FNDC3A: variants seen among roughly 807,000 people sequenced by gnomAD.
FNDC3A encodes the protein fibronectin type III domain containing 3A, also known as fibronectin type-III domain-containing protein 3A.
In FNDC3A, 32 loss-of-function variants were observed where a neutral mutation model predicts 148.9. The observed-to-expected ratio is 0.21, with a 90% CI of 0.16 to 0.29. The LOEUF (loss-of-function observed/expected upper bound fraction) is 0.29, where lower values mean the gene tolerates loss of function less well. Ranked by LOEUF, FNDC3A falls within the 10% of genes least tolerant of loss-of-function variation. The pLI is 1.00. For synonymous variants in FNDC3A, 472 were observed against 473.6 expected, an observed-to-expected ratio of 1.00 and a Z score of 0.04; for missense variants, 1,191 against 1,452.8, an observed-to-expected ratio of 0.82 and a Z score of 2.93.
At chr13:49,032,922 AAT>A (rs1470926150) in intron 2 of FNDC3A, among the ~76,000 whole-genome samples, 16 of 152,278 alleles carry the variant, frequency 1.1e-4, no homozygotes, top group African/African-American at 1.9e-4. Flanking sequence ...TTGCATTTTA[AAT>A]ATATGTTTAT....
intron 2 of FNDC3A, among the ~76,000 whole-genome samples, chr13:49,047,897 A>G (rs1875538755): frequency 1.3e-5 from 2 of 151,880 alleles, no homozygotes; most frequent in Non-Finnish European, 1.5e-5. Context: ...TTTTTTTCTC[A>G]GTGTTATCTG....
intron 3 of FNDC3A, among the ~76,000 whole-genome samples, chr13:49,085,575 A>G (rs1165856990): frequency 6.6e-6 from 1 of 152,152 alleles, no homozygotes; most frequent in African/African-American, 2.4e-5. Context: ...AGTTGTGTCT[A>G]TTGTGTTGTA....
chr13:49,114,611 A>G, intron 3 of FNDC3A, 44 bp from the exon 4 acceptor site: 1 of 1,310,092 alleles, frequency 7.6e-7, no homozygotes, highest in South Asian at 1.2e-5. Flanking sequence ...CTTTAGCCTG[A>G]TAAGCAATCA....
At chr13:49,161,312 A>C (rs532700409) in intron 8 of FNDC3A, among the ~76,000 whole-genome samples, 6 of 152,182 alleles carry the variant, frequency 3.9e-5, no homozygotes, top group African/African-American at 1.4e-4. Flanking sequence ...ATATATATTT[A>C]GGATAGTTAG....
At chr13:49,152,341 T>G (rs1189100891) in intron 8 of FNDC3A, among the ~76,000 whole-genome samples, 1 of 152,192 alleles carries the variant, frequency 6.6e-6, no homozygotes. Context: ...TGATGAGCAT[T>G]TTTTCATGTG....
At chr13:49,039,070 T>C (rs1874722627) in intron 2 of FNDC3A, among the ~76,000 whole-genome samples, 1 of 152,160 alleles carries the variant, frequency 6.6e-6, no homozygotes, top group South Asian at 2.1e-4. Context: ...TTGGTGGTGC[T>C]GCGGGTCAGA....
intron 8 of FNDC3A, among the ~76,000 whole-genome samples, chr13:49,162,119 T>G (rs1394839213): frequency 6.6e-6 from 1 of 152,152 alleles, no homozygotes; most frequent in Non-Finnish European, 1.5e-5. Flanking sequence ...GTCTTTGTGG[T>G]GGTCTCTGTA....
chr13:49,164,758 G>A (rs1465686321), intron 8 of FNDC3A, among the ~76,000 whole-genome samples: 1 of 151,944 alleles, frequency 6.6e-6, no homozygotes, highest in East Asian at 1.9e-4. Flanking sequence ...ACAGGTGCCC[G>A]CCACCACCGG....
intron 8 of FNDC3A, among the ~76,000 whole-genome samples, chr13:49,162,735 A>G (rs1280521308): frequency 1.3e-5 from 2 of 152,138 alleles, no homozygotes; most frequent in African/African-American, 4.8e-5. Flanking sequence ...GTTTCTCCCC[A>G]TCTTTGTGGT....
intron 6 of FNDC3A, among the ~76,000 whole-genome samples, chr13:49,137,860 C>T (rs982234815): frequency 1.3e-5 from 2 of 152,064 alleles, no homozygotes; most frequent in Non-Finnish European, 2.9e-5. Context: ...ATCTGTTTGA[C>T]GTAGATATGC....
At chr13:49,050,444 A>G (rs1875751777) in intron 2 of FNDC3A, among the ~76,000 whole-genome samples, 1 of 152,118 alleles carries the variant, frequency 6.6e-6, no homozygotes, top group African/African-American at 2.4e-5. Flanking sequence ...ATGTATTTGC[A>G]TGCTTTTGAG....
At chr13:49,172,869 G>C (rs933126208) in intron 11 of FNDC3A, among the ~76,000 whole-genome samples, 3 of 152,110 alleles carry the variant, frequency 2.0e-5, no homozygotes, top group Non-Finnish European at 4.4e-5. Flanking sequence ...TTTAGTACAG[G>C]GGTGTCCAGT....
chr13:49,167,135 TAAAG>T (rs1405770374), intron 8 of FNDC3A, 105 bp from the exon 9 acceptor site: 4 of 594,980 alleles, frequency 6.7e-6, no homozygotes, highest in African/African-American at 1.9e-5. Flanking sequence ...TTACAGTTGG[TAAAG>T]AAAGAAGTAG....
intron 2 of FNDC3A, among the ~76,000 whole-genome samples, chr13:49,019,507 C>A (rs1362495922): frequency 1.3e-5 from 2 of 152,210 alleles, no homozygotes; most frequent in Non-Finnish European, 2.9e-5. Context: ...CTGTCTGGCA[C>A]TCCCTAGTGA....
intron 2 of FNDC3A, among the ~76,000 whole-genome samples, chr13:49,026,057 T>C (rs779675106): frequency 2.6e-5 from 4 of 152,192 alleles, no homozygotes; most frequent in Non-Finnish European, 4.4e-5. Flanking sequence ...TTTGAGAGGA[T>C]TTATGTAATG....
At chr13:49,175,333 T>C in intron 12 of FNDC3A, 34 bp from the exon 13 acceptor site, 1 of 1,480,114 alleles carries the variant, frequency 6.8e-7, no homozygotes, top group Non-Finnish European at 9.0e-7. Flanking sequence ...AAAAATAACT[T>C]TTTCATGCCT....
rs193058377 is a variant in FNDC3A, at chr13:48,993,218, T to A, written c.-39-12934T>A. ...TGTTATCAACTTTACATCCTTATTA[T>A]CAGTTAGTACTTAATGTAAAAACTT... On this transcript the variant is annotated intron_variant, in intron 1 of 25. Coordinates refer to ENST00000492622, the MANE Select transcript of FNDC3A (RefSeq NM_001079673.2). 2.6e-3 allele frequency among the ~76,000 whole-genome samples: 396 copies of A among 152,326 alleles called. 2 individuals carry two copies. The highest frequency in any genetic ancestry group is 7.0e-3 in the South Asian group (34 of 4,830).
Position 49,094,789 on chromosome 13 carries a change from A to G in FNDC3A, c.175+19425A>G, listed in dbSNP as rs550551815. On this transcript the variant is annotated intron_variant, in intron 3 of 25. Transcript: ENST00000492622. ...AGAAAATACTTCCAAGAGGACACTT[A>G]CAGGGTGAGCCTACTCTATTCTTTT... Among the ~76,000 whole-genome samples, 92 of 152,244 alleles carry G rather than the reference A, an allele frequency of 6.0e-4. 3 individuals carry two copies. The highest frequency in any genetic ancestry group is 3.7e-3 in the Admixed American group (56 of 15,278).
intron 2 of FNDC3A, among the ~76,000 whole-genome samples, chr13:49,031,307 G>A (rs558786458): frequency 1.8e-4 from 27 of 149,762 alleles, no homozygotes; most frequent in African/African-American, 6.2e-4. Context: ...GCTTGAACCC[G>A]GGAAGCAGAG....
Sources: gnomAD v4.1 joint callset for allele counts (sites outside exome capture counted in the v4.1 genomes callset) on GRCh38, gnomAD v4.1.1 for gene constraint, MANE v1.5 for transcripts, NCBI Gene and HGNC (gene_info 2026-07-23, HGNC 2026-07-21) for gene names.